GBP7: variants seen among roughly 807,000 people sequenced by gnomAD.
GBP7 encodes guanylate binding protein 7.
In GBP7, 43 loss-of-function variants were observed where a neutral mutation model predicts 61.3. That is an observed-to-expected ratio of 0.70 (90% CI 0.55 to 0.91). GBP7 has a LOEUF of 0.91. GBP7 is among the 40% of genes least tolerant of loss of function. The pLI is 0.00. For missense variants in GBP7, 717 were observed against 740.5 expected, an observed-to-expected ratio of 0.97 and a Z score of 0.37; for synonymous variants, 267 against 271.0, an observed-to-expected ratio of 0.99 and a Z score of 0.14.
chr1:89,155,300 T>C (rs1470464843), intron 3 of GBP7, among the ~76,000 whole-genome samples: 4 of 152,134 alleles, frequency 2.6e-5, no homozygotes, highest in Admixed American at 6.5e-5. Flanking sequence ...CCCCTTCTCC[T>C]CCAAAGGAAT....
intron 2 of GBP7, among the ~76,000 whole-genome samples, chr1:89,167,852 C>G (rs1477802669): frequency 6.6e-6 from 1 of 152,144 alleles, no homozygotes; most frequent in Non-Finnish European, 1.5e-5. Context: ...ACATTCCCAA[C>G]CAGATTCATA....
rs1419414098 is a variant in GBP7 at position 89,164,741 on chromosome 1, T to A, written c.308A>T (p.Asp103Val). 1 of 1,613,794 alleles carries A rather than the reference T, an allele frequency of 6.2e-7. No homozygotes were observed. The highest frequency in any genetic ancestry group is 1.7e-5 in the Admixed American group (1 of 59,998). The change falls in exon 3 of 11, where the codon GAT becomes GTT. Residue 103 changes from aspartate to valine, a missense_variant. Asp to Val is a radical substitution (Grantham distance 152). Coordinates refer to ENST00000294671, the MANE Select transcript of GBP7 (RefSeq NM_207398.3). Reference protein sequence around the residue: ...LILLDTEGLGDMEKSDPKSDS... With the variant: ...LILLDTEGLGVMEKSDPKSDS... ...ATGTCTCTTTCTTACCTTTTCCATA[T>A]CACCCAGGCCCTCCGTGTCCAGAAG...
intron 2 of GBP7, 77 bp downstream of exon 2, chr1:89,171,669 C>G: frequency 1.5e-6 from 2 of 1,309,860 alleles, no homozygotes; most frequent in South Asian, 3.0e-5. Flanking sequence ...AACTTTCTCT[C>G]ATCCCATCTT....
In GBP7 at chr1:89,171,969, T is replaced by C; in HGVS notation, c.-19-15A>G. ...CGTTCCTCTGTCTGCAAGGAAAAAA[T>C]GAAATGGAAAGTAATGTCTGGTAAG... On this transcript the variant is annotated splice_polypyrimidine_tract_variant and intron_variant, in intron 1 of 10. Coordinates refer to ENST00000294671, the MANE Select transcript of GBP7 (RefSeq NM_207398.3). 1 of 1,574,468 alleles carries C rather than the reference T, an allele frequency of 6.4e-7. No individual in the cohort carries two copies.
chr1:89,148,961 A>G (rs1198982436), intron 7 of GBP7, among the ~76,000 whole-genome samples: 3 of 152,218 alleles, frequency 2.0e-5, no homozygotes, highest in South Asian at 2.1e-4. Flanking sequence ...GCTAATTAAC[A>G]TATATATTAA....
chr1:89,161,842 C>T (rs903128400), intron 3 of GBP7, among the ~76,000 whole-genome samples: 1 of 152,078 alleles, frequency 6.6e-6, no homozygotes, highest in African/African-American at 2.4e-5. Flanking sequence ...GACATCTTTG[C>T]CCATGCCTAT....
chr1:89,170,181 C>A (rs1647560396), intron 2 of GBP7, among the ~76,000 whole-genome samples: 1 of 152,144 alleles, frequency 6.6e-6, no homozygotes, highest in African/African-American at 2.4e-5. Flanking sequence ...AGACTCAATG[C>A]CTATAAAAAA....
rs779341002 is a variant in GBP7 at position 89,149,312 on chromosome 1, C to G, written c.1132G>C (p.Glu378Gln). ...ATTACCACAAGCTTCTTCTGAAATT[C>G]CTGGCTTTTATCTTTGAAGGAGTAC... ...MEYSFKDKSQ[E>Q]FQKKLVDTME... Residue 378 changes from glutamate (E) to glutamine (Q), a missense_variant, in exon 7 of 11, where the codon GAA becomes CAA. By Grantham distance (29) the Glu-to-Gln change is conservative. Coordinates refer to ENST00000294671, the MANE Select transcript of GBP7 (RefSeq NM_207398.3). 3.1e-6 allele frequency: 5 copies of G among 1,601,096 alleles called. No homozygotes were observed. In the Admixed American group the frequency reaches 5.1e-5, roughly 16 times the overall value.
At chr1:89,143,039 A>C (rs920710258) in intron 8 of GBP7, among the ~76,000 whole-genome samples, 4 of 152,210 alleles carry the variant, frequency 2.6e-5, no homozygotes, top group Non-Finnish European at 5.9e-5. Flanking sequence ...AAGTGAATGT[A>C]TATATCTAGG....
intron 9 of GBP7, 87 bp from the exon 10 acceptor site, chr1:89,133,538 A>C: frequency 1.9e-6 from 2 of 1,080,290 alleles, no homozygotes; most frequent in Non-Finnish European, 2.7e-6. Context: ...AGTCAGGAAG[A>C]GCTTCTCCCA....
chr1:89,132,217 A>T lies in GBP7; in HGVS notation c.1849T>A (p.Leu617Ile). Residue 617 changes from leucine (L) to isoleucine (I), a missense_variant, in exon 11 of 11, where the codon TTA (leucine) becomes ATA (isoleucine). Around this residue, in one of 3 missense-constraint regions of GBP7, gnomAD observed 312 missense variants for 310.1 expected, o/e 1.01. Coordinates refer to ENST00000294671, the MANE Select transcript of GBP7 (RefSeq NM_207398.3). ...ALPGAAKLVD[L>I]GMKILSSLCN... Reference sequence around the variant, plus strand: ...AATGAGCTAAGAATTTTCATTCCTAAATCAACTAGCTTAGCAGCCCCAGGT... The same window carrying T: ...AATGAGCTAAGAATTTTCATTCCTATATCAACTAGCTTAGCAGCCCCAGGT... The T allele has an allele frequency of 6.2e-7, 1 of 1,613,624 alleles. No individual in the cohort carries two copies. The highest frequency in any genetic ancestry group is 8.5e-7 in the Non-Finnish European group (1 of 1,179,650).
In GBP7 at chr1:89,160,102, A is replaced by G. The variant is rs572361615; in HGVS notation, c.318+4629T>C. ...TGAAAACCATCATTTTGAGCAAACT[A>G]TCACAAGGTCAGAAAAGCAAACACC... is the stretch of plus-strand genomic sequence containing the variant. On this transcript the variant is annotated intron_variant, in intron 3 of 10. Coordinates refer to ENST00000294671, the MANE Select transcript of GBP7 (RefSeq NM_207398.3). Among the ~76,000 whole-genome samples the G allele has an allele frequency of 2.6e-5, 4 of 152,322 alleles. No individual in the cohort carries two copies. In the South Asian group the frequency reaches 8.3e-4, roughly 32 times the overall value.
At chr1:89,173,591 C>T (rs760050501) in intron 1 of GBP7, among the ~76,000 whole-genome samples, 4 of 152,084 alleles carry the variant, frequency 2.6e-5, no homozygotes, top group African/African-American at 4.8e-5. Context: ...GGTCTTTAGC[C>T]TTATATACAC....
chr1:89,156,920 C>T (rs976651970), intron 3 of GBP7, among the ~76,000 whole-genome samples: 9 of 152,232 alleles, frequency 5.9e-5, no homozygotes, highest in Non-Finnish European at 1.2e-4. Context: ...AGCACCACAT[C>T]GCACTTATTC....
At chr1:89,143,386 G>T (rs977000065) in intron 8 of GBP7, among the ~76,000 whole-genome samples, 5 of 152,144 alleles carry the variant, frequency 3.3e-5, no homozygotes, top group Non-Finnish European at 7.4e-5. Context: ...TTTGATATAT[G>T]TATCTTTCCA....
intron 5 of GBP7, among the ~76,000 whole-genome samples, chr1:89,151,031 T>G (rs183425498): frequency 2.6e-5 from 4 of 152,346 alleles, no homozygotes; most frequent in South Asian, 4.1e-4. Flanking sequence ...TATCCAATAC[T>G]TTCTATACTT....
intron 3 of GBP7, among the ~76,000 whole-genome samples, chr1:89,159,423 C>T (rs1488084219): frequency 6.6e-6 from 1 of 152,134 alleles, no homozygotes; most frequent in East Asian, 1.9e-4. Flanking sequence ...AGTGAACAGG[C>T]AACCTACAGA....
At chr1:89,137,784 A>C (rs928628443) in intron 9 of GBP7, among the ~76,000 whole-genome samples, 1 of 152,054 alleles carries the variant, frequency 6.6e-6, no homozygotes, top group Non-Finnish European at 1.5e-5. Flanking sequence ...TCAACATAGT[A>C]CTGGAAGTCC....
intron 9 of GBP7, among the ~76,000 whole-genome samples, chr1:89,138,265 C>G (rs1364353680): frequency 6.6e-6 from 1 of 151,998 alleles, no homozygotes; most frequent in African/African-American, 2.4e-5. Context: ...CTATTCCTAT[C>G]AAATTATCGA....
Sources: gnomAD v4.1 joint callset for allele counts (sites outside exome capture counted in the v4.1 genomes callset) on GRCh38, gnomAD v4.1.1 for gene constraint, gnomAD v4.1.1 regional missense constraint, MANE v1.5 for transcripts, NCBI Gene and HGNC (gene_info 2026-07-23, HGNC 2026-07-21) for gene names.